SND1: variants seen among roughly 807,000 people sequenced by gnomAD.
The protein encoded by SND1 is staphylococcal nuclease and tudor domain containing 1.
In SND1, 38 loss-of-function variants were observed where a neutral mutation model predicts 121.7. That is an observed-to-expected ratio of 0.31 (90% CI 0.24 to 0.41). The LOEUF (loss-of-function observed/expected upper bound fraction) is 0.41, where lower values mean the gene tolerates loss of function less well. Ranked by LOEUF, SND1 falls within the 10% of genes least tolerant of loss-of-function variation. The pLI, the probability that SND1 is intolerant of heterozygous loss-of-function variation, is 1.00. For synonymous variants in SND1, 401 were observed against 447.4 expected, an observed-to-expected ratio of 0.90 and a Z score of 1.31; for missense variants, 868 against 1,184.6, an observed-to-expected ratio of 0.73 and a Z score of 3.92.
chr7:127,747,241 C>T (rs1260211192), intron 10 of SND1, among the ~76,000 whole-genome samples: 1 of 152,074 alleles, frequency 6.6e-6, no homozygotes, highest in South Asian at 2.1e-4. Context: ...CTGGTGTGCC[C>T]TATCATTAAA....
chr7:128,035,895 G>C (rs1792741203), intron 16 of SND1, among the ~76,000 whole-genome samples: 1 of 152,178 alleles, frequency 6.6e-6, no homozygotes, highest in South Asian at 2.1e-4. Flanking sequence ...ATGCATCCCT[G>C]AGGCATTATC....
intron 10 of SND1, among the ~76,000 whole-genome samples, chr7:127,747,178 C>T (rs1031142460): frequency 6.6e-6 from 1 of 152,098 alleles, no homozygotes; most frequent in Non-Finnish European, 1.5e-5. Flanking sequence ...TCCAGGTCGA[C>T]CAAGTTCTTC....
At chr7:127,764,056 A>AAAAAAAAAAAAAAAC (rs1554422863) in intron 10 of SND1, among the ~76,000 whole-genome samples, 8 of 135,218 alleles carry the variant, frequency 5.9e-5, no homozygotes, top group South Asian at 2.3e-4. Flanking sequence ...AAAAAAACAA[A>AAAAAAAAAAAAAAAC]AAAACAAAAA....
intron 1 of SND1, among the ~76,000 whole-genome samples, chr7:127,669,303 T>G (rs1240834753): frequency 6.6e-6 from 1 of 152,196 alleles, no homozygotes; most frequent in Non-Finnish European, 1.5e-5. Flanking sequence ...CGGTCCCCTT[T>G]TTACAGTATA....
intron 16 of SND1, 35 bp downstream of exon 16, chr7:127,991,091 G>C (rs750633588): frequency 6.6e-7 from 1 of 1,523,488 alleles, no homozygotes; most frequent in African/African-American, 1.4e-5. Flanking sequence ...TCTGTGAGGA[G>C]GGGTGACAAA....
chr7:128,030,257 C>T (rs751777410), intron 16 of SND1: 1 of 1,614,212 alleles, frequency 6.2e-7, no homozygotes, highest in Non-Finnish European at 8.5e-7. Context: ...CGAACAGCTC[C>T]AGGGTGTTGA....
At chr7:127,927,908 A>T (rs1800874221) in intron 14 of SND1, among the ~76,000 whole-genome samples, 1 of 152,238 alleles carries the variant, frequency 6.6e-6, no homozygotes, top group South Asian at 2.1e-4. Context: ...CACAGAAGTC[A>T]GGAAAGTTTG....
intron 14 of SND1, among the ~76,000 whole-genome samples, chr7:127,922,202 T>G: frequency 2.2e-5 from 3 of 136,620 alleles, no homozygotes; most frequent in African/African-American, 5.9e-5. Flanking sequence ...TTTTTTTTTT[T>G]TGTTTTGTGA....
At chr7:127,961,496 G>C (rs1209200306) in intron 15 of SND1, among the ~76,000 whole-genome samples, 6 of 152,218 alleles carry the variant, frequency 3.9e-5, no homozygotes, top group African/African-American at 7.2e-5. Context: ...TTAAGTGTTT[G>C]CCACTGTAAA....
rs1409475164 is a variant in SND1, at chr7:127,678,563, A to C, written c.79-8050A>C. Among the ~76,000 whole-genome samples, 4 of 151,922 alleles carry C rather than the reference A, an allele frequency of 2.6e-5. No homozygotes were observed. The East Asian group carries it at 7.7e-4, about 29-fold the overall frequency. ...GCCTCTTGTTCTTGCCAGGAAAAAA[A>C]CCAAAAAGCAATACAAAAACACATA... On this transcript the variant is annotated intron_variant, in intron 1 of 23. Coordinates refer to ENST00000354725, the MANE Select transcript of SND1 (RefSeq NM_014390.4).
Position 127,819,482 on chromosome 7 carries a change from A to G in SND1, c.1242+11909A>G, listed in dbSNP as rs76858322. ...GTATTTCTAATCAGATTCTGACTTA[A>G]CAACATTTACTTTTAAAAATGTAGT... On this transcript the variant is annotated intron_variant, in intron 11 of 23. Coordinates refer to ENST00000354725, the MANE Select transcript of SND1 (RefSeq NM_014390.4). 7.0e-3 allele frequency among the ~76,000 whole-genome samples: 1,060 copies of G among 152,352 alleles called. 7 individuals carry two copies. The highest frequency in any genetic ancestry group is 0.011 in the Non-Finnish European group (745 of 68,030).
chr7:127,848,823 C>T (rs1006727221), intron 12 of SND1, among the ~76,000 whole-genome samples: 1 of 152,116 alleles, frequency 6.6e-6, no homozygotes, highest in Non-Finnish European at 1.5e-5. Context: ...TCTGTATCTT[C>T]TATAGGGTTT....
chr7:127,692,351 C>T (rs1431176992), intron 2 of SND1: 2 of 152,212 alleles, frequency 1.3e-5, no homozygotes, highest in Non-Finnish European at 2.9e-5. Flanking sequence ...TTCTTAAAAG[C>T]CACTTGCTTC....
intron 15 of SND1, among the ~76,000 whole-genome samples, chr7:127,943,808 T>C (rs1584684637): frequency 6.6e-6 from 1 of 152,184 alleles, no homozygotes; most frequent in East Asian, 1.9e-4. Context: ...TCCTTAACTG[T>C]GCTGATGAAA....
intron 3 of SND1, among the ~76,000 whole-genome samples, chr7:127,696,933 AGTTTAAT>A (rs1463204173): frequency 3.3e-5 from 5 of 152,258 alleles, no homozygotes; most frequent in Non-Finnish European, 7.3e-5. Flanking sequence ...ATAAAGAAAT[AGTTTAAT>A]GTTTAATATT....
chr7:127,869,951 A>G (rs12706819), intron 12 of SND1, among the ~76,000 whole-genome samples: 34,031 of 152,038 alleles, frequency 0.22, 4,280 homozygotes, highest in Middle Eastern at 0.33. Flanking sequence ...TGCCCTTGAG[A>G]TCCATGTAAG....
At position 127,672,970 on chromosome 7, in the gene SND1, T is replaced by C. The variant is rs113423223; in HGVS notation, c.79-13643T>C. On this transcript the variant is annotated intron_variant, in intron 1 of 23. Transcript: ENST00000354725. ...GTCACATTACTAGTGTTGATAACTG[T>C]AATTACTTGATTAAGATGGTGTCTG... is the stretch of plus-strand genomic sequence containing the variant. 5.5e-3 allele frequency among the ~76,000 whole-genome samples: 834 copies of C among 152,166 alleles called. 3 individuals carry two copies. The highest frequency in any genetic ancestry group is 9.0e-3 in the Non-Finnish European group (611 of 68,014).
At chr7:128,089,395 G>T in intron 21 of SND1, 94 bp from the exon 22 acceptor site, 4 of 1,289,516 alleles carry the variant, frequency 3.1e-6, no homozygotes, top group Non-Finnish European at 4.4e-6. Flanking sequence ...ACAGGCCCCT[G>T]CTGGCCAGAC....
chr7:127,718,472 A>T, intron 9 of SND1: 1 of 592,090 alleles, frequency 1.7e-6, no homozygotes, highest in Non-Finnish European at 2.1e-6. Flanking sequence ...CATAAACCCC[A>T]CTTATACACA....
Sources: allele counts gnomAD v4.1 joint callset (sites outside exome capture counted in the v4.1 genomes callset), GRCh38; gene constraint gnomAD v4.1.1; transcripts MANE v1.5; gene names NCBI Gene and HGNC (gene_info 2026-07-23, HGNC 2026-07-21).